The following DMD variants were observed in gnomAD, a reference collection of about 807,000 sequenced individuals.
The protein encoded by DMD is mutant dystrophin.
DMD carries 63 observed loss-of-function variants against 330.1 expected under a neutral mutation model. The observed-to-expected ratio is 0.19, with a 90% confidence interval of 0.16 to 0.24. The LOEUF (loss-of-function observed/expected upper bound fraction) is 0.24. DMD is among the 10% of genes least tolerant of loss of function. The pLI is 1.00. For synonymous variants in DMD, 1,223 were observed against 959.8 expected (o/e 1.27, Z -5.07); for missense variants, 3,344 against 2,684.1 (o/e 1.25, Z -5.43).
intron 67 of DMD, among the ~76,000 whole-genome samples, chrX:31,196,407 G>A (rs1025069077): frequency 2.7e-5 from 3 of 111,148 alleles, no homozygotes; most frequent in Admixed American, 1.9e-4. Flanking sequence ...CCGTCCAAAA[G>A]GGGTGTAAAA....
intron 60 of DMD, among the ~76,000 whole-genome samples, chrX:31,349,171 G>A (rs2058257877): frequency 8.9e-6 from 1 of 112,797 alleles, no homozygotes; most frequent in African/African-American, 3.2e-5. Context: ...GCTGGGCACA[G>A]TGACTCATGC....
intron 9 of DMD, among the ~76,000 whole-genome samples, chrX:32,687,711 C>T (rs933119124): frequency 2.7e-5 from 3 of 111,185 alleles, no homozygotes; most frequent in Non-Finnish European, 5.7e-5. Flanking sequence ...TATGAGAAGC[C>T]CTGAACCCAT....
chrX:31,493,138 C>A (rs377298650), intron 57 of DMD, among the ~76,000 whole-genome samples: 41 of 112,022 alleles, frequency 3.7e-4, no homozygotes, highest in African/African-American at 1.3e-3. Context: ...TCTATTCTTT[C>A]TTTCCCTGCT....
chrX:32,505,391 T>C (rs778370436), intron 18 of DMD, among the ~76,000 whole-genome samples: 1 of 112,286 alleles, frequency 8.9e-6, no homozygotes, highest in Non-Finnish European at 1.9e-5. Context: ...AGTATACAGA[T>C]GGCAAATAAG....
At chrX:32,370,137 C>G (rs1006502001) in intron 34 of DMD, among the ~76,000 whole-genome samples, 3 of 110,160 alleles carry the variant, frequency 2.7e-5, no homozygotes, top group Non-Finnish European at 3.8e-5. Context: ...TACTGCAATT[C>G]TAAGATGTGC....
rs2077688960 is a variant in DMD at position 31,607,816 on chromosome X, G to A, written c.8217+19857C>T. Among the ~76,000 whole-genome samples, 4 of 111,610 alleles carry A rather than the reference G, an allele frequency of 3.6e-5. No homozygotes were observed. In the South Asian group the frequency reaches 1.5e-3, roughly 41 times the overall value. On this transcript the variant is annotated intron_variant, in intron 55 of 78. Coordinates refer to ENST00000357033, the MANE Select transcript of DMD (RefSeq NM_004006.3). ...AGCTGACATCTATTTTTATGTAGACGGTATGACTTAGATTCAGGGACTAAA... is the reference window on the plus strand; with the variant it reads ...AGCTGACATCTATTTTTATGTAGACAGTATGACTTAGATTCAGGGACTAAA...
chrX:31,247,613 A>G (rs1294646173), intron 63 of DMD, among the ~76,000 whole-genome samples: 1 of 109,710 alleles, frequency 9.1e-6, no homozygotes, highest in Non-Finnish European at 1.9e-5. Context: ...AAAAAAAAAA[A>G]AAAAAAATCT....
At chrX:31,366,121 T>C (rs2059216271) in intron 60 of DMD, among the ~76,000 whole-genome samples, 1 of 111,806 alleles carries the variant, frequency 8.9e-6, no homozygotes, top group African/African-American at 3.3e-5. Flanking sequence ...TTCCCGGAAG[T>C]GATTTACAAG....
intron 7 of DMD, among the ~76,000 whole-genome samples, chrX:32,807,170 G>GTT (rs35532926): frequency 4.4e-5 from 4 of 91,481 alleles, no homozygotes; most frequent in African/African-American, 1.3e-4. Context: ...TCCAGGAGGT[G>GTT]TTTTTTTTTG....
chrX:32,098,943 A>C (rs780620981), intron 44 of DMD, among the ~76,000 whole-genome samples: 1 of 112,135 alleles, frequency 8.9e-6, no homozygotes, highest in South Asian at 3.7e-4. Context: ...GGTCATTAAA[A>C]AGTTCCAGAA....
intron 11 of DMD, among the ~76,000 whole-genome samples, chrX:32,632,955 G>A (rs1023423586): frequency 8.9e-6 from 1 of 112,093 alleles, no homozygotes; most frequent in Non-Finnish European, 1.9e-5. Context: ...CTAGCAAGTG[G>A]TTGCTCAGAA....
chrX:32,050,055 T>C (rs1185732722), intron 44 of DMD, among the ~76,000 whole-genome samples: 1 of 111,912 alleles, frequency 8.9e-6, no homozygotes, highest in Non-Finnish European at 1.9e-5. Context: ...AATAAACGTA[T>C]TTTGGTATTT....
At chrX:31,944,729 C>T (rs1340736152) in intron 45 of DMD, among the ~76,000 whole-genome samples, 1 of 102,633 alleles carries the variant, frequency 9.7e-6, no homozygotes, top group Non-Finnish European at 2.0e-5. Flanking sequence ...AGGATGGTCT[C>T]GATCTCTTGA....
chrX:32,393,631 T>C (rs1384562743), intron 30 of DMD, among the ~76,000 whole-genome samples: 1 of 111,258 alleles, frequency 9.0e-6, no homozygotes, highest in African/African-American at 3.3e-5. Flanking sequence ...GGTACATTTG[T>C]ATAATATGTA....
intron 62 of DMD, among the ~76,000 whole-genome samples, chrX:31,292,614 C>G (rs753198739): frequency 2.7e-5 from 3 of 111,718 alleles, no homozygotes; most frequent in African/African-American, 9.7e-5. Context: ...AAGTATATAC[C>G]AAACACAGTT....
chrX:31,712,604 T>A (rs2084726449), intron 52 of DMD, among the ~76,000 whole-genome samples: 1 of 104,160 alleles, frequency 9.6e-6, no homozygotes, highest in African/African-American at 3.5e-5. Context: ...TTGGTTCCAC[T>A]AAAAAACTGA....
chrX:31,281,463 T>A (rs1029207525), intron 62 of DMD, among the ~76,000 whole-genome samples: 4 of 112,179 alleles, frequency 3.6e-5, no homozygotes, highest in Admixed American at 2.9e-4. Flanking sequence ...TCCTATGTAA[T>A]CATTAATAAT....
chrX:31,227,822 G>A (rs144152491), intron 63 of DMD, among the ~76,000 whole-genome samples: 42 of 110,709 alleles, frequency 3.8e-4, no homozygotes, highest in African/African-American at 1.3e-3. Flanking sequence ...TCACATTGTG[G>A]CATTATTCAC....
intron 44 of DMD, among the ~76,000 whole-genome samples, chrX:32,116,226 AATATCTGCTCTC>A (rs1392716673): frequency 1.8e-5 from 2 of 111,219 alleles, no homozygotes; most frequent in Non-Finnish European, 3.8e-5. Flanking sequence ...CAAATTGGAG[AATATCTGCTCTC>A]ATATCTGCTC....
Sources: allele counts gnomAD v4.1 joint callset (sites outside exome capture counted in the v4.1 genomes callset), GRCh38; gene constraint gnomAD v4.1.1; transcripts MANE v1.5; gene names NCBI Gene and HGNC (gene_info 2026-07-23, HGNC 2026-07-21).